NKAIN2: variants seen among roughly 807,000 people sequenced by gnomAD.
The protein encoded by NKAIN2 is sodium/potassium transporting ATPase interacting 2, also known as sodium/potassium-transporting ATPase subunit beta-1-interacting protein 2.
NKAIN2 carries 14 observed loss-of-function variants against 32.6 expected under a neutral mutation model. That is an observed-to-expected ratio of 0.43 (90% CI 0.28 to 0.67). The LOEUF (loss-of-function observed/expected upper bound fraction) is 0.67. NKAIN2 is among the 30% of genes least tolerant of loss of function. The probability of loss-of-function intolerance (pLI) is 0.17; values close to 1 mark genes in which losing one functional copy is unlikely to be tolerated. For missense variants in NKAIN2, 198 were observed against 258.3 expected (o/e 0.77, Z 1.60); for synonymous variants, 80 against 87.2 (o/e 0.92, Z 0.46).
chr6:124,434,824 G>A (rs911366295), intron 3 of NKAIN2, among the ~76,000 whole-genome samples: 5 of 152,060 alleles, frequency 3.3e-5, no homozygotes, highest in Non-Finnish European at 1.5e-5. Flanking sequence ...ATGCCTTGTA[G>A]GGTCACGTAG....
intron 1 of NKAIN2, among the ~76,000 whole-genome samples, chr6:124,131,711 C>G (rs931497926): frequency 6.6e-6 from 1 of 152,106 alleles, no homozygotes; most frequent in Non-Finnish European, 1.5e-5. Flanking sequence ...GTGGAAAGAG[C>G]CTTGTAGGCA....
At chr6:124,072,779 T>G (rs752735561) in intron 1 of NKAIN2, among the ~76,000 whole-genome samples, 3 of 152,212 alleles carry the variant, frequency 2.0e-5, no homozygotes, top group African/African-American at 4.8e-5. Flanking sequence ...GTTTTATTTC[T>G]TTCTTCTTTG....
intron 4 of NKAIN2, among the ~76,000 whole-genome samples, chr6:124,774,856 C>CAAA (rs777636496): frequency 2.7e-5 from 2 of 72,776 alleles, no homozygotes; most frequent in African/African-American, 4.4e-5. Flanking sequence ...AACTTCATCT[C>CAAA]AAAAAAAAAA....
At chr6:124,664,480 A>T (rs1421017947) in intron 4 of NKAIN2, among the ~76,000 whole-genome samples, 1 of 152,050 alleles carries the variant, frequency 6.6e-6, no homozygotes, top group South Asian at 2.1e-4. Flanking sequence ...TTTAACATAT[A>T]TACAAATTTA....
chr6:124,487,853 A>G lies in NKAIN2; in HGVS notation c.273+132506A>G, dbSNP rs575719784. On this transcript the variant is annotated intron_variant, in intron 3 of 6. Transcript: ENST00000368417. ...AAATTAAGACTGCTGACATAGCACC[A>G]TATCTTCTCCATAGGTCCATTTCTC... 2.2e-4 allele frequency among the ~76,000 whole-genome samples: 33 copies of G among 152,182 alleles called. No homozygotes were observed. In the South Asian group the frequency reaches 5.8e-3, roughly 27 times the overall value.
At chr6:124,619,203 GA>G (rs982249144) in intron 3 of NKAIN2, among the ~76,000 whole-genome samples, 43 of 152,060 alleles carry the variant, frequency 2.8e-4, no homozygotes, top group Admixed American at 4.6e-4. Flanking sequence ...ATTTCAGGGG[GA>G]AAAAATGCAT....
intron 2 of NKAIN2, among the ~76,000 whole-genome samples, chr6:124,338,152 T>C (rs952765992): frequency 6.6e-6 from 1 of 152,130 alleles, no homozygotes; most frequent in African/African-American, 2.4e-5. Flanking sequence ...GCCTTCGAAG[T>C]GGTCAAAATG....
chr6:124,137,683 T>C (rs1028932912), intron 1 of NKAIN2, among the ~76,000 whole-genome samples: 4 of 151,936 alleles, frequency 2.6e-5, no homozygotes, highest in South Asian at 2.1e-4. Flanking sequence ...TAACGGAATA[T>C]AATAGAAAAC....
chr6:124,707,812 G>A (rs1276543547), intron 4 of NKAIN2, among the ~76,000 whole-genome samples: 2 of 152,194 alleles, frequency 1.3e-5, no homozygotes, highest in African/African-American at 4.8e-5. Flanking sequence ...TCTGATGGTA[G>A]TTTCTTTTGC....
At chr6:124,768,529 G>A (rs76925105) in intron 4 of NKAIN2, among the ~76,000 whole-genome samples, 3,783 of 152,074 alleles carry the variant, frequency 0.025, 83 homozygotes, top group Non-Finnish European at 0.04. Context: ...GAAAAATAAC[G>A]AATCACACCA....
intron 3 of NKAIN2, among the ~76,000 whole-genome samples, chr6:124,447,139 A>C (rs1775925596): frequency 6.6e-6 from 1 of 152,048 alleles, no homozygotes; most frequent in Non-Finnish European, 1.5e-5. Context: ...CTCTTTGACC[A>C]CATAATCACT....
chr6:124,392,373 G>A (rs777906019), intron 3 of NKAIN2, among the ~76,000 whole-genome samples: 2 of 152,096 alleles, frequency 1.3e-5, no homozygotes, highest in Non-Finnish European at 2.9e-5. Flanking sequence ...CCTTTGTGAC[G>A]TTTTTCACTT....
intron 1 of NKAIN2, among the ~76,000 whole-genome samples, chr6:124,263,075 A>C (rs568401546): frequency 1.8e-4 from 28 of 152,350 alleles, no homozygotes; most frequent in Non-Finnish European, 1.3e-4. Flanking sequence ...TTGGACTATC[A>C]TAAACATTCT....
rs1288405401 is a variant in NKAIN2 at position 124,028,845 on chromosome 6, ATATGTG to A, written c.54+224593_54+224598del. ...TGTATATATATACATATATATGTAT[ATATGTG>A]TGTGTCTATATATACACATATATGT... On this transcript the variant is annotated intron_variant, in intron 1 of 6. Transcript: ENST00000368417. 7.6e-3 allele frequency among the ~76,000 whole-genome samples: 1,059 copies of A among 140,030 alleles called. 5 individuals carry two copies. The highest frequency in any genetic ancestry group is 0.028 in the African/African-American group (997 of 35,206). The allele number at this position is 140,030 out of a possible 152,430, so 91.9% of individuals were successfully genotyped here.
chr6:124,203,903 A>T (rs956046454), intron 1 of NKAIN2, among the ~76,000 whole-genome samples: 15 of 151,790 alleles, frequency 9.9e-5, no homozygotes, highest in Non-Finnish European at 5.9e-5. Flanking sequence ...AGATCATTTA[A>T]TACATGTGTA....
chr6:124,106,320 G>T (rs1338151910), intron 1 of NKAIN2, among the ~76,000 whole-genome samples: 1 of 152,228 alleles, frequency 6.6e-6, no homozygotes, highest in Non-Finnish European at 1.5e-5. Flanking sequence ...AAGAAGGGTA[G>T]AAAACACAGA....
chr6:123,808,356 C>T (rs774928681), intron 1 of NKAIN2, among the ~76,000 whole-genome samples: 32 of 152,172 alleles, frequency 2.1e-4, no homozygotes, highest in Non-Finnish European at 2.9e-4. Flanking sequence ...AATCCCCATA[C>T]AATACTTTAG....
chr6:124,422,654 A>G (rs1774808066), intron 3 of NKAIN2, among the ~76,000 whole-genome samples: 1 of 152,268 alleles, frequency 6.6e-6, no homozygotes, highest in Non-Finnish European at 1.5e-5. Flanking sequence ...AAAACAAAAC[A>G]ACAAAACAAC....
intron 1 of NKAIN2, among the ~76,000 whole-genome samples, chr6:124,219,569 C>G (rs968469534): frequency 8.6e-5 from 13 of 152,010 alleles, no homozygotes; most frequent in African/African-American, 1.2e-4. Context: ...TGAGCCACCA[C>G]GCCCGGCCAA....
Sources: gnomAD v4.1 joint callset for allele counts (sites outside exome capture counted in the v4.1 genomes callset) on GRCh38, gnomAD v4.1.1 for gene constraint, MANE v1.5 for transcripts, NCBI Gene and HGNC (gene_info 2026-07-23, HGNC 2026-07-21) for gene names.